Variants in FHIT observed in about 807,000 individuals in gnomAD.
FHIT encodes bis(5'-adenosyl)-triphosphatase.
A neutral mutation model predicts 17.9 loss-of-function variants in FHIT; 19 were observed. That is an observed-to-expected ratio of 1.06 (90% confidence interval 0.74 to 1.56). The LOEUF is 1.56. Among genes scored for constraint, FHIT ranks in the 40% most tolerant of loss-of-function variants. The probability of loss-of-function intolerance (pLI) is 0.00; values close to 1 mark genes in which losing one functional copy is unlikely to be tolerated. For missense variants in FHIT, 248 were observed against 189.2 expected (o/e 1.31, Z -1.82); for synonymous variants, 81 against 69.7 (o/e 1.16, Z -0.81).
intron 8 of FHIT, among the ~76,000 whole-genome samples, chr3:59,765,222 C>CTGAT (rs1008521967): frequency 7.2e-5 from 11 of 152,306 alleles, no homozygotes; most frequent in East Asian, 3.9e-4. Context: ...AGGAGTTTCA[C>CTGAT]TGATTGGTTT....
intron 5 of FHIT, among the ~76,000 whole-genome samples, chr3:60,319,895 T>C (rs1031049412): frequency 6.6e-6 from 1 of 152,096 alleles, no homozygotes; most frequent in African/African-American, 2.4e-5. Context: ...GGTAGGTGCC[T>C]ACACAAAACA....
intron 5 of FHIT, among the ~76,000 whole-genome samples, chr3:60,028,032 T>C (rs957346547): frequency 6.6e-6 from 1 of 152,194 alleles, no homozygotes; most frequent in Non-Finnish European, 1.5e-5. Flanking sequence ...TAGTAATCAC[T>C]TGTAGCTAGT....
At chr3:60,138,373 C>CA (rs2107290678) in intron 5 of FHIT, among the ~76,000 whole-genome samples, 1 of 152,254 alleles carries the variant, frequency 6.6e-6, no homozygotes, top group East Asian at 1.9e-4. Context: ...ACAACAACAA[C>CA]AAAAGTAAAT....
At chr3:60,135,424 C>G (rs1304653915) in intron 5 of FHIT, among the ~76,000 whole-genome samples, 1 of 152,148 alleles carries the variant, frequency 6.6e-6, no homozygotes, top group South Asian at 2.1e-4. Flanking sequence ...CTGGAGCTAA[C>G]AAATCAATTT....
intron 3 of FHIT, among the ~76,000 whole-genome samples, chr3:60,859,425 C>T (rs180774708): frequency 3.9e-5 from 6 of 152,090 alleles, no homozygotes; most frequent in East Asian, 1.9e-4. Flanking sequence ...ACAGGTAGAC[C>T]GCATTTCCAC....
chr3:60,955,629 TATATAC>T (rs1319338481), intron 3 of FHIT, among the ~76,000 whole-genome samples: 7 of 38,260 alleles, frequency 1.8e-4, no homozygotes, highest in African/African-American at 6.3e-4. Flanking sequence ...TATATATATA[TATATAC>T]ACACACACAC....
At chr3:61,112,360 A>C (rs1372257576) in intron 2 of FHIT, among the ~76,000 whole-genome samples, 1 of 151,662 alleles carries the variant, frequency 6.6e-6, no homozygotes, top group Admixed American at 6.6e-5. Flanking sequence ...AGGCGGCCCC[A>C]GTTTCAAGTT....
intron 5 of FHIT, among the ~76,000 whole-genome samples, chr3:60,418,558 T>TTC (rs1702351708): frequency 5.5e-5 from 1 of 18,028 alleles, no homozygotes; most frequent in East Asian, 2.3e-3. Context: ...CCCTCCCAAC[T>TTC]TTTTTTTTTT....
At chr3:59,884,175 G>A (rs2106967961) in intron 8 of FHIT, among the ~76,000 whole-genome samples, 1 of 152,186 alleles carries the variant, frequency 6.6e-6, no homozygotes, top group South Asian at 2.1e-4. Context: ...GTGATTACAG[G>A]AATTCAACAA....
chr3:60,130,727 A>G (rs951189471), intron 5 of FHIT, among the ~76,000 whole-genome samples: 4 of 141,824 alleles, frequency 2.8e-5, no homozygotes, highest in Admixed American at 2.2e-4. Flanking sequence ...TGTTCAAAAT[A>G]CAGTCTTACT....
chr3:60,483,311 C>G (rs2033695678), intron 5 of FHIT, among the ~76,000 whole-genome samples: 1 of 152,176 alleles, frequency 6.6e-6, no homozygotes, highest in Non-Finnish European at 1.5e-5. Context: ...AGCAGGGACT[C>G]CTCCCTAAGT....
chr3:61,245,481 C>T (rs1576289950), intron 1 of FHIT, among the ~76,000 whole-genome samples: 1 of 152,196 alleles, frequency 6.6e-6, no homozygotes, highest in Non-Finnish European at 1.5e-5. Flanking sequence ...AAAGGACGAT[C>T]CATGGACCAG....
chr3:60,398,620 T>G (rs938358222), intron 5 of FHIT, among the ~76,000 whole-genome samples: 48 of 152,310 alleles, frequency 3.2e-4, no homozygotes, highest in African/African-American at 1.1e-3. Flanking sequence ...TAATCTGTAT[T>G]CATCAGTTTT....
At chr3:59,855,163 C>T (rs1356678160) in intron 8 of FHIT, among the ~76,000 whole-genome samples, 5 of 152,172 alleles carry the variant, frequency 3.3e-5, no homozygotes, top group Non-Finnish European at 7.3e-5. Flanking sequence ...TGGGCTGGTA[C>T]ATAGTAAGAA....
rs536033010 is a variant in FHIT at position 59,868,023 on chromosome 3, G to T, written c.348+54323C>A. Among the ~76,000 whole-genome samples the T allele has an allele frequency of 2.0e-4, 25 of 125,726 alleles. No homozygotes were observed. In the East Asian group the frequency reaches 4.5e-3, roughly 22 times the overall value. The allele number at this position is 125,726 out of a possible 152,430, so 82.5% of individuals were successfully genotyped here. A position where few individuals can be genotyped will look rare whatever the true frequency, so the allele number is the denominator to read the frequency against. On this transcript the variant is annotated intron_variant, in intron 8 of 9. Transcript: ENST00000492590. ...TTTTGGGCTTAATGAATGAACTACT[G>T]CTGTGGAAATGTTTTTTTTTTTTTA...
intron 5 of FHIT, chr3:60,080,855 C>T (rs1338984314): frequency 6.6e-6 from 1 of 152,130 alleles, no homozygotes; most frequent in African/African-American, 2.4e-5. Flanking sequence ...TAGATGCAAA[C>T]ACTTGGATGA....
chr3:60,093,291 G>A (rs764162757), intron 5 of FHIT, among the ~76,000 whole-genome samples: 3 of 151,974 alleles, frequency 2.0e-5, no homozygotes, highest in Non-Finnish European at 4.4e-5. Flanking sequence ...TCCTTGGCTC[G>A]TGGCCTCTTC....
In FHIT at chr3:60,862,165, G is replaced by GT. The variant is rs1703941785; in HGVS notation, c.-110-40155dup. On this transcript the variant is annotated intron_variant, in intron 3 of 9. Transcript: ENST00000492590. ...GATGAAAGGTAAATAAAAATATGGA[G>GT]TTTTTTGTTTTTGTTTTTGTTTTTG... Among the ~76,000 whole-genome samples the GT allele has an allele frequency of 2.0e-5, 3 of 151,942 alleles. 1 individual carries two copies. The highest frequency in any genetic ancestry group is 2.0e-4 in the Admixed American group (3 of 15,228).
chr3:60,715,330 A>G (rs1553706442), intron 4 of FHIT, among the ~76,000 whole-genome samples: 1 of 151,878 alleles, frequency 6.6e-6, no homozygotes, highest in Non-Finnish European at 1.5e-5. Flanking sequence ...ACCATACCAT[A>G]TGAGGCACTA....
Sources: allele counts gnomAD v4.1 joint callset (sites outside exome capture counted in the v4.1 genomes callset), GRCh38; gene constraint gnomAD v4.1.1; transcripts MANE v1.5; gene names NCBI Gene and HGNC (gene_info 2026-07-23, HGNC 2026-07-21).